Variants in LARP4 observed in about 807,000 individuals in gnomAD.
LARP4 encodes la-related protein 4.
In LARP4, 29 loss-of-function variants were observed where a neutral mutation model predicts 92.9. That is an observed-to-expected ratio of 0.31 (90% CI 0.23 to 0.43). LARP4 has a LOEUF of 0.43. LARP4 is among the 20% of genes least tolerant of loss of function. The pLI, the probability that LARP4 is intolerant of heterozygous loss-of-function variation, is 1.00. For synonymous variants in LARP4, 279 were observed against 284.1 expected (o/e 0.98, Z 0.18); for missense variants, 732 against 860.0 (o/e 0.85, Z 1.86).
chr12:50,443,255 G>A (rs1293731720), intron 8 of LARP4, among the ~76,000 whole-genome samples: 1 of 151,922 alleles, frequency 6.6e-6, no homozygotes, highest in East Asian at 1.9e-4. Flanking sequence ...AACCAATATG[G>A]CTGTTTTGTT....
intron 10 of LARP4, among the ~76,000 whole-genome samples, chr12:50,455,167 TTTTC>T (rs1478824914): frequency 1.3e-5 from 2 of 152,172 alleles, no homozygotes; most frequent in Non-Finnish European, 2.9e-5. Flanking sequence ...TCTGAGGTAT[TTTTC>T]TTTATGTAGA....
chr12:50,452,039 A>C (rs1363516593), intron 8 of LARP4, among the ~76,000 whole-genome samples: 1 of 152,096 alleles, frequency 6.6e-6, no homozygotes, highest in Non-Finnish European at 1.5e-5. Flanking sequence ...ATGGTATTCC[A>C]GTGTGTGTGT....
In LARP4 at chr12:50,424,239, C is replaced by G. The variant is rs547251681; in HGVS notation, c.19-3523C>G. On this transcript the variant is annotated intron_variant, in intron 1 of 15. Transcript: ENST00000398473. ...TTTTTAATTAGTGGAGCATGGTGTTCCAGGCCTGTAGTCCTAGCTACTCAG... is the reference window on the plus strand; with the variant it reads ...TTTTTAATTAGTGGAGCATGGTGTTGCAGGCCTGTAGTCCTAGCTACTCAG... Among the ~76,000 whole-genome samples the G allele has an allele frequency of 2.0e-5, 3 of 152,196 alleles. No homozygotes were observed. The South Asian group carries it at 6.2e-4, about 32-fold the overall frequency.
intron 15 of LARP4, 80 bp from the exon 16 acceptor site, chr12:50,475,446 A>T (rs2139236705): frequency 8.1e-7 from 1 of 1,228,222 alleles, no homozygotes; most frequent in Middle Eastern, 2.9e-4. Flanking sequence ...TGGTTTTCTT[A>T]TGGTTAACAC....
chr12:50,440,225 C>T (rs115965338), intron 6 of LARP4, among the ~76,000 whole-genome samples: 1,972 of 152,248 alleles, frequency 0.013, 48 homozygotes, highest in African/African-American at 0.043. Context: ...TCGCTTGCAT[C>T]CGGGAGTTTG....
intron 15 of LARP4, among the ~76,000 whole-genome samples, chr12:50,474,745 T>A (rs1271509981): frequency 3.3e-5 from 5 of 152,228 alleles, no homozygotes; most frequent in Non-Finnish European, 5.9e-5. Flanking sequence ...GGGGCTAACA[T>A]AAAGAGGCCT....
chr12:50,441,781 G>A, intron 8 of LARP4, 138 bp downstream of exon 8: 4 of 674,698 alleles, frequency 5.9e-6, no homozygotes, highest in South Asian at 3.9e-5. Context: ...AGGCGTGGTG[G>A]CTCACACCTG....
At chr12:50,406,874 A>G (rs1944942267) in intron 1 of LARP4, among the ~76,000 whole-genome samples, 1 of 151,498 alleles carries the variant, frequency 6.6e-6, no homozygotes, top group African/African-American at 2.4e-5. Context: ...GTACGCCACC[A>G]TGCTGGCTAA....
At chr12:50,423,356 T>G (rs1017948281) in intron 1 of LARP4, among the ~76,000 whole-genome samples, 3 of 152,222 alleles carry the variant, frequency 2.0e-5, no homozygotes, top group Non-Finnish European at 4.4e-5. Flanking sequence ...GTTATTTTGA[T>G]AGAATGCGTC....
chr12:50,442,097 G>C (rs1951303248), intron 8 of LARP4, among the ~76,000 whole-genome samples: 2 of 152,100 alleles, frequency 1.3e-5, no homozygotes, highest in Admixed American at 1.3e-4. Context: ...TGCTACTTCA[G>C]AAAATCCTTT....
chr12:50,416,878 G>A (rs922442083), intron 1 of LARP4, among the ~76,000 whole-genome samples: 3 of 152,082 alleles, frequency 2.0e-5, no homozygotes, highest in African/African-American at 7.2e-5. Context: ...TGAGGTGGGA[G>A]TATTGGTTGA....
At position 50,467,061 on chromosome 12, in the gene LARP4, G is replaced by T; in HGVS notation, c.1486G>T (p.Gly496Cys). 1 of 1,613,590 alleles carries T rather than the reference G, an allele frequency of 6.2e-7. No individual in the cohort carries two copies. The highest frequency in any genetic ancestry group is 1.3e-5 in the African/African-American group (1 of 75,010). The stretch of plus-strand genomic sequence containing the variant: ...ACCTGGAAGTTCATCAAGAATGCCA[G>T]GTGAACTCGTTTTGGAGAATAGGAT... ...PLPGSSSRMP[G>C]ELVLENRMSD... The change falls in exon 13 of 16, where the codon GGT (glycine) becomes TGT (cysteine). Residue 496 changes from glycine (G) to cysteine (C), a missense_variant. Gly to Cys is a radical substitution (Grantham distance 159). Transcript: ENST00000398473.
chr12:50,416,943 C>G (rs1946897553), intron 1 of LARP4, among the ~76,000 whole-genome samples: 1 of 151,314 alleles, frequency 6.6e-6, no homozygotes, highest in Non-Finnish European at 1.5e-5. Flanking sequence ...CCAGCCTGGG[C>G]AAAAGAGTGA....
chr12:50,404,725 T>C (rs1944483510), intron 1 of LARP4, among the ~76,000 whole-genome samples: 1 of 146,440 alleles, frequency 6.8e-6, no homozygotes, highest in Non-Finnish European at 1.5e-5. Context: ...TTTCCACTCT[T>C]GTTGCCCAGG....
chr12:50,462,548 C>G, intron 11 of LARP4, 34 bp from the exon 12 acceptor site: 1 of 1,152,214 alleles, frequency 8.7e-7, no homozygotes, highest in Admixed American at 2.0e-5. Flanking sequence ...TGTCCCTCCA[C>G]CCCACCCCAC....
At chr12:50,437,187 A>G (rs1338531197) in intron 5 of LARP4, among the ~76,000 whole-genome samples, 1 of 152,232 alleles carries the variant, frequency 6.6e-6, no homozygotes, top group Admixed American at 6.5e-5. Flanking sequence ...CCTCATAATC[A>G]GCATTTAAAA....
intron 4 of LARP4, among the ~76,000 whole-genome samples, chr12:50,432,916 G>A (rs140154688): frequency 3.7e-4 from 56 of 149,700 alleles, no homozygotes; most frequent in African/African-American, 1.4e-3. Flanking sequence ...ACTTGCGTTT[G>A]CCGCATTTTT....
At chr12:50,453,437 G>T in intron 8 of LARP4, 23 bp from the exon 9 acceptor site, 1 of 1,352,122 alleles carries the variant, frequency 7.4e-7, no homozygotes, top group Non-Finnish European at 1.1e-6. Flanking sequence ...ATTCTTTGTT[G>T]CTATAATGTG....
intron 12 of LARP4, among the ~76,000 whole-genome samples, 185 bp downstream of exon 12, chr12:50,462,815 C>T (rs543779132): frequency 3.1e-4 from 47 of 152,118 alleles, no homozygotes; most frequent in Non-Finnish European, 6.0e-4. Context: ...CTCTAGCACA[C>T]ATGTAGTAAG....
Sources: allele counts gnomAD v4.1 joint callset (sites outside exome capture counted in the v4.1 genomes callset), GRCh38; gene constraint gnomAD v4.1.1; transcripts MANE v1.5; gene names NCBI Gene and HGNC (gene_info 2026-07-23, HGNC 2026-07-21).